The following AGBL4 variants were observed in gnomAD, a reference collection of about 807,000 sequenced individuals.
AGBL4 encodes the protein cytosolic carboxypeptidase 6.
Under a neutral mutation model 66.4 loss-of-function variants are expected in AGBL4, and 58 were observed. The ratio of observed to expected loss-of-function variants is 0.87; its 90% CI spans 0.71 to 1.09. AGBL4 has a LOEUF of 1.09. Ranked by LOEUF, AGBL4 falls within the 50% of genes least tolerant of loss-of-function variation. The probability of loss-of-function intolerance (pLI) is 0.00; values close to 1 mark genes in which losing one functional copy is unlikely to be tolerated. For synonymous variants in AGBL4, 234 were observed against 222.9 expected, an observed-to-expected ratio of 1.05 and a Z score of -0.44; for missense variants, 579 against 631.0, an observed-to-expected ratio of 0.92 and a Z score of 0.88.
intron 1 of AGBL4, chr1:49,994,644 G>T (rs928972660): frequency 1.3e-5 from 2 of 152,490 alleles, no homozygotes; most frequent in African/African-American, 4.8e-5. Context: ...ATTGCAAATG[G>T]GAGGCAGGAC....
intron 1 of AGBL4, among the ~76,000 whole-genome samples, chr1:49,870,033 C>A (rs985951971): frequency 2.6e-5 from 4 of 152,088 alleles, no homozygotes; most frequent in Non-Finnish European, 5.9e-5. Context: ...CCGATTTGAT[C>A]ATTGTATATT....
chr1:49,628,085 G>A (rs1006136380), intron 3 of AGBL4, among the ~76,000 whole-genome samples: 7 of 152,220 alleles, frequency 4.6e-5, no homozygotes, highest in African/African-American at 7.2e-5. Context: ...TTTGCATAGC[G>A]TTCCATCTTT....
intron 10 of AGBL4, among the ~76,000 whole-genome samples, chr1:48,588,851 A>AGAAGAGAAGAGAAGGGAAGG (rs768116947): frequency 7.2e-6 from 1 of 139,042 alleles, no homozygotes; most frequent in African/African-American, 2.7e-5. Flanking sequence ...AGAAGAGAAG[A>AGAAGAGAAGAGAAGGGAAGG]GAAGAGAAGG....
chr1:49,984,397 C>CTG (rs1216274514), intron 1 of AGBL4, among the ~76,000 whole-genome samples: 1 of 152,228 alleles, frequency 6.6e-6, no homozygotes, highest in Non-Finnish European at 1.5e-5. Context: ...GAGAGCTTAA[C>CTG]TGTAACACAT....
intron 6 of AGBL4, among the ~76,000 whole-genome samples, chr1:48,747,163 T>G (rs573318383): frequency 6.6e-6 from 1 of 152,378 alleles, no homozygotes; most frequent in South Asian, 2.1e-4. Flanking sequence ...GCACTTGCGT[T>G]AAGAGACAGC....
chr1:50,020,977 C>T (rs1262694580), intron 1 of AGBL4, among the ~76,000 whole-genome samples: 2 of 152,152 alleles, frequency 1.3e-5, no homozygotes, highest in Non-Finnish European at 2.9e-5. Flanking sequence ...TGGTAAAAGA[C>T]AATAAGGGTC....
intron 2 of AGBL4, among the ~76,000 whole-genome samples, chr1:49,825,143 A>G (rs1195490934): frequency 1.3e-5 from 2 of 152,242 alleles, no homozygotes. Flanking sequence ...GAATGGTTCT[A>G]ACTGACTCTA....
chr1:49,451,295 G>A (rs959377550), intron 3 of AGBL4, among the ~76,000 whole-genome samples: 1 of 151,828 alleles, frequency 6.6e-6, no homozygotes, highest in African/African-American at 2.4e-5. Context: ...ATGTGATTAG[G>A]TTAGGCACAC....
intron 4 of AGBL4, among the ~76,000 whole-genome samples, chr1:49,169,729 T>G (rs1470166628): frequency 6.6e-6 from 1 of 152,144 alleles, no homozygotes; most frequent in Non-Finnish European, 1.5e-5. Context: ...TTTAGGTCAC[T>G]CCATCCATAC....
chr1:49,495,818 C>T (rs1365196481), intron 3 of AGBL4, among the ~76,000 whole-genome samples: 2 of 151,896 alleles, frequency 1.3e-5, no homozygotes, highest in Admixed American at 1.3e-4. Flanking sequence ...TTGGAATGCC[C>T]ACAAGGAATC....
chr1:48,547,500 C>T (rs1180965145), intron 11 of AGBL4, among the ~76,000 whole-genome samples: 1 of 151,976 alleles, frequency 6.6e-6, no homozygotes, highest in Non-Finnish European at 1.5e-5. Flanking sequence ...AAGAATGTGG[C>T]AGGAATAGCT....
At chr1:49,560,075 AG>A (rs1461353957) in intron 3 of AGBL4, among the ~76,000 whole-genome samples, 1 of 152,156 alleles carries the variant, frequency 6.6e-6, no homozygotes, top group Non-Finnish European at 1.5e-5. Context: ...CAGACACTCA[AG>A]AACATCTACC....
chr1:49,237,911 T>C (rs1470135728), intron 4 of AGBL4, among the ~76,000 whole-genome samples: 4 of 152,062 alleles, frequency 2.6e-5, no homozygotes, highest in Non-Finnish European at 5.9e-5. Flanking sequence ...ATACCTTTAG[T>C]TTTATTTTAT....
intron 3 of AGBL4, among the ~76,000 whole-genome samples, chr1:49,381,632 G>C (rs1644612433): frequency 6.6e-6 from 1 of 152,074 alleles, no homozygotes; most frequent in Non-Finnish European, 1.5e-5. Flanking sequence ...TTAAGAAAAT[G>C]TGGCACATAT....
Position 49,095,770 on chromosome 1 carries a change from T to C in AGBL4, c.378-49970A>G, listed in dbSNP as rs1455303280. Reference sequence around the variant, plus strand: ...AACCTAGGCAATACCATTCAGGACATAGGCATGGGCAAGGACTTCATGTCT... The same window carrying C: ...AACCTAGGCAATACCATTCAGGACACAGGCATGGGCAAGGACTTCATGTCT... On this transcript the variant is annotated intron_variant, in intron 4 of 13. Transcript: ENST00000371839. Among the ~76,000 whole-genome samples the C allele has an allele frequency of 2.6e-5, 4 of 151,722 alleles. No individual in the cohort carries two copies. In the East Asian group the frequency reaches 7.7e-4, roughly 29 times the overall value.
intron 3 of AGBL4, among the ~76,000 whole-genome samples, chr1:49,607,185 C>G (rs1349289185): frequency 2.0e-5 from 3 of 152,102 alleles, no homozygotes; most frequent in Non-Finnish European, 4.4e-5. Context: ...TTGAGAGAGG[C>G]TGAAGAATTG....
At chr1:49,445,879 TCTCACTCTGTCACCCAGGCTAAAG>T (rs1646143930) in intron 3 of AGBL4, among the ~76,000 whole-genome samples, 1 of 152,158 alleles carries the variant, frequency 6.6e-6, no homozygotes, top group African/African-American at 2.4e-5. Flanking sequence ...TGAGATAGAG[TCTCACTCTGTCACCCAGGCTAAAG>T]TGCAGTGGTG....
intron 11 of AGBL4, among the ~76,000 whole-genome samples, chr1:48,553,484 C>T (rs1210177417): frequency 3.3e-5 from 5 of 152,136 alleles, no homozygotes; most frequent in African/African-American, 1.2e-4. Context: ...TGAGTGGCTG[C>T]ACTTGCTTGG....
chr1:49,109,545 T>C lies in AGBL4; in HGVS notation c.378-63745A>G, dbSNP rs372493478. ...ATGTAATACTGCCCACCTCACAGAG[T>C]AGTTTTGCAAGTAAAATGAATTAAT... is the stretch of plus-strand genomic sequence containing the variant. On this transcript the variant is annotated intron_variant, in intron 4 of 13. Coordinates refer to ENST00000371839, the MANE Select transcript of AGBL4 (RefSeq NM_032785.4). 3.9e-5 allele frequency among the ~76,000 whole-genome samples: 6 copies of C among 152,096 alleles called. No individual in the cohort carries two copies. The East Asian group carries it at 5.8e-4, about 15-fold the overall frequency.
Sources: allele counts gnomAD v4.1 joint callset (sites outside exome capture counted in the v4.1 genomes callset), GRCh38; gene constraint gnomAD v4.1.1; transcripts MANE v1.5; gene names NCBI Gene and HGNC (gene_info 2026-07-23, HGNC 2026-07-21).